Variants in TSPAN9 observed in about 807,000 individuals in gnomAD.
TSPAN9 encodes tetraspanin-9.
TSPAN9 carries 16 observed loss-of-function variants against 31.0 expected under a neutral mutation model. The ratio of observed to expected loss-of-function variants is 0.52; its 90% CI spans 0.35 to 0.78. The LOEUF is 0.78. Ranked by LOEUF, TSPAN9 falls within the 30% of genes least tolerant of loss-of-function variation. The probability of loss-of-function intolerance (pLI) is 0.01; values close to 1 mark genes in which losing one functional copy is unlikely to be tolerated. For missense variants in TSPAN9, 272 were observed against 312.5 expected (o/e 0.87, Z 0.98); for synonymous variants, 145 against 121.6 (o/e 1.19, Z -1.27).
intron 2 of TSPAN9, among the ~76,000 whole-genome samples, chr12:3,096,817 C>T (rs1321235584): frequency 2.6e-5 from 4 of 152,024 alleles, no homozygotes; most frequent in African/African-American, 4.8e-5. Flanking sequence ...CTCAGCCTCC[C>T]GAGTAGCTGG....
At chr12:3,199,655 C>T (rs1050757725) in intron 2 of TSPAN9, among the ~76,000 whole-genome samples, 5 of 152,216 alleles carry the variant, frequency 3.3e-5, no homozygotes, top group African/African-American at 1.2e-4. Flanking sequence ...GCCGCCGCAG[C>T]GTCCCAACCG....
intron 2 of TSPAN9, among the ~76,000 whole-genome samples, chr12:3,134,516 A>T (rs1379918445): frequency 6.6e-6 from 1 of 152,138 alleles, no homozygotes; most frequent in Non-Finnish European, 1.5e-5. Context: ...GTCCTGCCTC[A>T]TATCTGCAAG....
chr12:3,209,011 T>C (rs1055235666), intron 3 of TSPAN9, among the ~76,000 whole-genome samples: 1 of 152,056 alleles, frequency 6.6e-6, no homozygotes, highest in Admixed American at 6.6e-5. Context: ...CCAAGGTGGG[T>C]GGATCACGAG....
At chr12:3,246,208 C>G (rs970746974) in intron 3 of TSPAN9, among the ~76,000 whole-genome samples, 4 of 151,782 alleles carry the variant, frequency 2.6e-5, no homozygotes, top group African/African-American at 9.7e-5. Flanking sequence ...GTGCCACACA[C>G]TTTCAAACGA....
chr12:3,103,436 T>G (rs1271040777), intron 2 of TSPAN9, among the ~76,000 whole-genome samples: 1 of 144,086 alleles, frequency 6.9e-6, no homozygotes, highest in African/African-American at 2.9e-5. Flanking sequence ...TGAACACTTC[T>G]GGTGTGCAGG....
chr12:3,264,334 C>T (rs1026052003), intron 3 of TSPAN9, among the ~76,000 whole-genome samples: 1 of 152,222 alleles, frequency 6.6e-6, no homozygotes, highest in African/African-American at 2.4e-5. Context: ...GCCCGCCAGC[C>T]CGCCTCAACC....
chr12:3,154,058 A>G (rs372924251), intron 2 of TSPAN9, among the ~76,000 whole-genome samples: 8 of 149,168 alleles, frequency 5.4e-5, no homozygotes, highest in South Asian at 2.1e-4. Flanking sequence ...ATGTATCTCT[A>G]TCTGTTTCTC....
In TSPAN9 at chr12:3,268,791, GCCT is replaced by G. The variant is rs1862600284; in HGVS notation, c.64-9629_64-9627del. Among the ~76,000 whole-genome samples the G allele has an allele frequency of 2.5e-5, 2 of 78,986 alleles. 1 individual carries two copies. Among genetic ancestry groups the G allele is most frequent in the African/African-American group, 8.1e-5 (2 of 24,628 alleles). 51.8% of individuals were successfully genotyped at this position (78,986 alleles called of 152,430 possible). On this transcript the variant is annotated intron_variant, in intron 3 of 8. Coordinates refer to ENST00000011898, the MANE Select transcript of TSPAN9 (RefSeq NM_006675.5). ...AGCCTGCCCTCTCTGTGTTCCTGCA[GCCT>G]GCCCTCTCTGTGTTCCTGCAACCTG...
At chr12:3,178,785 G>A (rs544312575) in intron 2 of TSPAN9, among the ~76,000 whole-genome samples, 8 of 152,190 alleles carry the variant, frequency 5.3e-5, no homozygotes, top group East Asian at 3.9e-4. Flanking sequence ...CTCTGGTCGC[G>A]CTCACTTGCC....
intron 4 of TSPAN9, 40 bp downstream of exon 4, chr12:3,278,652 TCTC>T: frequency 6.3e-7 from 1 of 1,594,536 alleles, no homozygotes; most frequent in Non-Finnish European, 8.6e-7. Flanking sequence ...CAACTCCTGA[TCTC>T]CTTGCACTTG....
intron 2 of TSPAN9, among the ~76,000 whole-genome samples, chr12:3,111,241 T>A (rs1013071962): frequency 6.6e-6 from 1 of 152,226 alleles, no homozygotes; most frequent in Non-Finnish European, 1.5e-5. Flanking sequence ...GTCCAGATCC[T>A]ACCTCCTCGT....
chr12:3,081,888 G>T (rs1442340587), intron 1 of TSPAN9, among the ~76,000 whole-genome samples: 2 of 143,346 alleles, frequency 1.4e-5, no homozygotes, highest in African/African-American at 5.3e-5. Flanking sequence ...TGGACCTATG[G>T]TCCCAGCTGG....
At chr12:3,089,496 C>T (rs907552602) in intron 2 of TSPAN9, among the ~76,000 whole-genome samples, 11 of 151,672 alleles carry the variant, frequency 7.3e-5, no homozygotes, top group South Asian at 6.3e-4. Flanking sequence ...GGGGTTTTAC[C>T]GTGTTGGCCA....
intron 2 of TSPAN9, among the ~76,000 whole-genome samples, chr12:3,159,735 T>G (rs1435905204): frequency 1.3e-5 from 2 of 152,138 alleles, no homozygotes; most frequent in African/African-American, 4.8e-5. Context: ...AGAGAGGATA[T>G]TAAGATAGAA....
At chr12:3,091,135 G>C (rs11062498) in intron 2 of TSPAN9, among the ~76,000 whole-genome samples, 39,907 of 152,200 alleles carry the variant, frequency 0.26, 5,392 homozygotes, top group South Asian at 0.43. Context: ...GTCAGTGAGC[G>C]ACAGGTCTTT....
intron 2 of TSPAN9, 75 bp from the exon 3 acceptor site, chr12:3,201,102 C>A: frequency 7.3e-7 from 1 of 1,377,524 alleles, no homozygotes; most frequent in Non-Finnish European, 1.0e-6. Context: ...GGCGTTAAGA[C>A]CGACAAGTGC....
At chr12:3,177,281 G>C (rs1296379074) in intron 2 of TSPAN9, among the ~76,000 whole-genome samples, 2 of 152,010 alleles carry the variant, frequency 1.3e-5, no homozygotes, top group Non-Finnish European at 2.9e-5. Context: ...GGGACTACAG[G>C]TGCCTGCCAC....
chr12:3,161,057 C>T (rs1490910180), intron 2 of TSPAN9, among the ~76,000 whole-genome samples: 1 of 152,076 alleles, frequency 6.6e-6, no homozygotes, highest in Non-Finnish European at 1.5e-5. Flanking sequence ...CCTGTCTCTA[C>T]TAAAAATACA....
chr12:3,134,611 C>G (rs914195331), intron 2 of TSPAN9, among the ~76,000 whole-genome samples: 31 of 152,166 alleles, frequency 2.0e-4, no homozygotes, highest in African/African-American at 7.5e-4. Flanking sequence ...GCAGATGGGC[C>G]CTCTGGAGGG....
Sources: allele counts gnomAD v4.1 joint callset (sites outside exome capture counted in the v4.1 genomes callset), GRCh38; gene constraint gnomAD v4.1.1; transcripts MANE v1.5; gene names NCBI Gene and HGNC (gene_info 2026-07-23, HGNC 2026-07-21).